The following RABL3 variants were observed in gnomAD, a reference collection of about 807,000 sequenced individuals.
The protein encoded by RABL3 is rab-like protein 3.
RABL3 carries 31 observed loss-of-function variants against 31.8 expected under a neutral mutation model. The observed-to-expected ratio is 0.97, with a 90% CI of 0.73 to 1.31. RABL3 has a LOEUF of 1.31. RABL3 is among the 40% of genes most tolerant of loss of function. RABL3 has a pLI of 0.00. For missense variants in RABL3, 263 were observed against 279.6 expected (o/e 0.94, Z 0.42); for synonymous variants, 97 against 99.9 (o/e 0.97, Z 0.18).
intron 4 of RABL3, among the ~76,000 whole-genome samples, chr3:120,699,865 C>G (rs1708476229): frequency 6.6e-6 from 1 of 152,166 alleles, no homozygotes; most frequent in South Asian, 2.1e-4. Flanking sequence ...AACAGCAACT[C>G]TAATTAAAGA....
chr3:120,690,451 G>C lies in RABL3; in HGVS notation c.643C>G (p.Gln215Glu). 1 of 1,581,090 alleles carries C rather than the reference G, an allele frequency of 6.3e-7. No homozygotes were observed. The highest frequency in any genetic ancestry group is 8.7e-7 in the Non-Finnish European group (1 of 1,150,664). The change falls in exon 7 of 8, where the codon CAG becomes GAG. Residue 215 changes from glutamine to glutamate, a missense_variant and splice_region_variant. By Grantham distance (29) the Gln-to-Glu change is conservative. Coordinates refer to ENST00000273375, the MANE Select transcript of RABL3 (RefSeq NM_173825.5). ...TTATCAAGAAAAGAGATACCAACCT[G>C]ATTACCTTCTCTTAAAAAGTATCTC... is the stretch of plus-strand genomic sequence containing the variant. ...EKRYFLREGN[Q>E]IPGFPDRKRF...
intron 2 of RABL3, among the ~76,000 whole-genome samples, chr3:120,721,281 C>T (rs1469223896): frequency 2.6e-5 from 4 of 152,114 alleles, no homozygotes; most frequent in Non-Finnish European, 5.9e-5. Context: ...CATCAACTAA[C>T]GAGCAAAATA....
At chr3:120,733,770 A>T (rs1010712527) in intron 1 of RABL3, among the ~76,000 whole-genome samples, 2 of 152,170 alleles carry the variant, frequency 1.3e-5, no homozygotes, top group Non-Finnish European at 2.9e-5. Flanking sequence ...AGCTTTCTAC[A>T]TATGGCTAGC....
intron 1 of RABL3, among the ~76,000 whole-genome samples, chr3:120,736,761 G>C (rs2107598763): frequency 2.0e-5 from 3 of 152,252 alleles, no homozygotes; most frequent in Middle Eastern, 3.4e-3. Flanking sequence ...TTGCTTGTCT[G>C]TCAAGTATTT....
At chr3:120,730,827 G>T (rs2107595229) in intron 1 of RABL3, 40 bp from the exon 2 acceptor site, 1 of 1,354,902 alleles carries the variant, frequency 7.4e-7, no homozygotes, top group Non-Finnish European at 1.1e-6. Context: ...TAAGAGACAA[G>T]GCTGAAATCT....
intron 7 of RABL3, among the ~76,000 whole-genome samples, 192 bp downstream of exon 7, chr3:120,690,257 T>C (rs1261344232): frequency 6.6e-6 from 1 of 152,206 alleles, no homozygotes; most frequent in Non-Finnish European, 1.5e-5. Flanking sequence ...TCCTAGATTA[T>C]ATTTGTTTCC....
chr3:120,690,550 C>T (rs1017207104), intron 6 of RABL3, 63 bp from the exon 7 acceptor site: 26 of 1,112,366 alleles, frequency 2.3e-5, no homozygotes, highest in Middle Eastern at 2.0e-4. Context: ...CTAACTGCAA[C>T]GACCACTAAT....
chr3:120,707,704 T>G (rs1410831927), intron 3 of RABL3, among the ~76,000 whole-genome samples: 1 of 152,040 alleles, frequency 6.6e-6, no homozygotes, highest in Non-Finnish European at 1.5e-5. Flanking sequence ...TGGGTGAGAA[T>G]TTTGGACGGG....
Position 120,730,468 on chromosome 3 carries a change from C to T in RABL3, c.138+228G>A, listed in dbSNP as rs568258334. The stretch of plus-strand genomic sequence containing the variant: ...AGTCTGTGGCATCAGAAAAACTGTT[C>T]AAATCTTGACTCTGCCTTAGTTTCT... On this transcript the variant is annotated intron_variant, in intron 2 of 7. Coordinates refer to ENST00000273375, the MANE Select transcript of RABL3 (RefSeq NM_173825.5). Among the ~76,000 whole-genome samples, 5 of 152,162 alleles carry T rather than the reference C, an allele frequency of 3.3e-5. No individual in the cohort carries two copies. The South Asian group carries it at 6.2e-4, about 19-fold the overall frequency.
intron 2 of RABL3, among the ~76,000 whole-genome samples, chr3:120,729,727 T>C (rs1320828743): frequency 1.3e-5 from 2 of 152,198 alleles, no homozygotes; most frequent in Middle Eastern, 3.4e-3. Flanking sequence ...CTTAGTTAAC[T>C]GGAAGGCAGA....
chr3:120,690,970 T>C (rs1708373439), intron 6 of RABL3, among the ~76,000 whole-genome samples: 1 of 152,206 alleles, frequency 6.6e-6, no homozygotes. Flanking sequence ...GTCCTCAATA[T>C]AGACAGATGA....
chr3:120,717,576 T>C (rs752431593), intron 2 of RABL3, among the ~76,000 whole-genome samples: 4 of 152,096 alleles, frequency 2.6e-5, no homozygotes, highest in Admixed American at 6.6e-5. Context: ...TCAAGCCATT[T>C]TCCTACCTCA....
intron 2 of RABL3, among the ~76,000 whole-genome samples, chr3:120,725,991 A>T (rs1033051010): frequency 2.0e-5 from 3 of 152,034 alleles, no homozygotes; most frequent in African/African-American, 4.8e-5. Context: ...ATTTTTTAAC[A>T]TTTTTTTATG....
chr3:120,718,232 C>T (rs1439302611), intron 2 of RABL3, among the ~76,000 whole-genome samples: 1 of 152,280 alleles, frequency 6.6e-6, no homozygotes, highest in East Asian at 1.9e-4. Context: ...CTCCTTATGT[C>T]CTCTCAGATA....
chr3:120,717,421 C>A (rs538445946), intron 2 of RABL3, among the ~76,000 whole-genome samples: 1 of 152,288 alleles, frequency 6.6e-6, no homozygotes, highest in South Asian at 2.1e-4. Context: ...ATTAGTGCCA[C>A]ACTCATTCCA....
At chr3:120,695,405 A>G (rs1708426267) in intron 5 of RABL3, among the ~76,000 whole-genome samples, 1 of 152,146 alleles carries the variant, frequency 6.6e-6, no homozygotes, top group Non-Finnish European at 1.5e-5. Flanking sequence ...TCTGTGTAAC[A>G]CTGGTTAGGG....
chr3:120,704,773 T>TG (rs1223546036), intron 4 of RABL3, among the ~76,000 whole-genome samples: 4 of 152,152 alleles, frequency 2.6e-5, no homozygotes, highest in Admixed American at 2.0e-4. Context: ...TGGCCAGGTA[T>TG]GGTGGCTCAT....
At chr3:120,723,414 T>C (rs145674128) in intron 2 of RABL3, among the ~76,000 whole-genome samples, 5,716 of 152,004 alleles carry the variant, frequency 0.038, 269 homozygotes, top group African/African-American at 0.11. Context: ...TTCCAATCAA[T>C]AGAAAAAGGG....
At position 120,685,514 on chromosome 3, in the gene RABL3, A is replaced by C. The variant is rs1413061939; in HGVS notation, c.*4309T>G. 1.4e-5 allele frequency among the ~76,000 whole-genome samples: 2 copies of C among 138,238 alleles called. No individual in the cohort carries two copies. Among genetic ancestry groups the C allele is most frequent in the African/African-American group, 4.9e-5 (2 of 40,676 alleles). The allele number at this position is 138,238 out of a possible 152,430, so 90.7% of individuals were successfully genotyped here. A position where few individuals can be genotyped will look rare whatever the true frequency, so the allele number is the denominator to read the frequency against. On this transcript the variant is annotated 3_prime_UTR_variant, in exon 8 of 8. Coordinates refer to ENST00000273375, the MANE Select transcript of RABL3 (RefSeq NM_173825.5). Reference sequence around the variant, plus strand: ...TAAATATATTTGGATTAAAAACAGAACCCAGGGGAAAAACAGTGGCAGTAA... The same window carrying C: ...TAAATATATTTGGATTAAAAACAGACCCCAGGGGAAAAACAGTGGCAGTAA...
Sources: gnomAD v4.1 joint callset for allele counts (sites outside exome capture counted in the v4.1 genomes callset) on GRCh38, gnomAD v4.1.1 for gene constraint, MANE v1.5 for transcripts, NCBI Gene and HGNC (gene_info 2026-07-23, HGNC 2026-07-21) for gene names.